Variants in FAM186A observed in about 807,000 individuals in gnomAD.
FAM186A encodes protein FAM186A.
In FAM186A, 163 loss-of-function variants were observed where a neutral mutation model predicts 216.8. The observed-to-expected ratio is 0.75, with a 90% CI of 0.66 to 0.86. The LOEUF is 0.86. Ranked by LOEUF, FAM186A falls within the 40% of genes least tolerant of loss-of-function variation. The probability of loss-of-function intolerance (pLI) is 0.00; values close to 1 mark genes in which losing one functional copy is unlikely to be tolerated. For missense variants in FAM186A, 2,184 were observed against 2,746.2 expected (o/e 0.80, Z 4.58); for synonymous variants, 805 against 1,025.3 (o/e 0.79, Z 4.10).
At chr12:50,332,424 G>A (rs143319025) in intron 5 of FAM186A, among the ~76,000 whole-genome samples, 175 of 152,314 alleles carry the variant, frequency 1.1e-3, no homozygotes, top group African/African-American at 3.3e-3. Context: ...ATCTGGTAGC[G>A]GAGCTAGCCA....
intron 4 of FAM186A, among the ~76,000 whole-genome samples, chr12:50,346,463 G>A (rs1485760874): frequency 6.6e-6 from 1 of 152,108 alleles, no homozygotes; most frequent in East Asian, 1.9e-4. Flanking sequence ...GACCTTGGGT[G>A]ATCTGCCCAC....
At chr12:50,386,318 A>G (rs1216689252) in intron 1 of FAM186A, among the ~76,000 whole-genome samples, 1 of 151,976 alleles carries the variant, frequency 6.6e-6, no homozygotes, top group Admixed American at 6.6e-5. Context: ...AATCCCAGCT[A>G]TAGGGAGGCA....
chr12:50,361,055 C>T, intron 2 of FAM186A, 129 bp from the exon 3 acceptor site: 1 of 590,288 alleles, frequency 1.7e-6, no homozygotes, highest in Non-Finnish European at 2.7e-6. Context: ...ACACTTACTG[C>T]CATTCTGAGG....
chr12:50,360,728 C>T (rs1234795317), intron 3 of FAM186A, 28 bp downstream of exon 3: 1 of 1,486,754 alleles, frequency 6.7e-7, no homozygotes, highest in African/African-American at 1.4e-5. Flanking sequence ...CCATCTACTC[C>T]AACTCCAAAA....
At chr12:50,346,201 A>AGAGAG (rs1942810621) in intron 4 of FAM186A, among the ~76,000 whole-genome samples, 2 of 76,686 alleles carry the variant, frequency 2.6e-5, no homozygotes, top group African/African-American at 4.3e-5. Context: ...GAAAGAAAGA[A>AGAGAG]AGAGAGAGAG....
In FAM186A at chr12:50,353,433, G is replaced by A. The variant is rs1170717631; in HGVS notation, c.3399C>T (p.Ile1133=). Reference sequence around the variant, plus strand: ...CCTGGGTCTGCTGAGGGGTGAGAGGGATCCCCAGGGCCTGCGCCTGCTGAG... The same window carrying A: ...CCTGGGTCTGCTGAGGGGTGAGAGGAATCCCCAGGGCCTGCGCCTGCTGAG... ...FTPQQAQALG[I]PLTPQQTQVQ... Residue 1133 remains isoleucine, a synonymous_variant, in exon 4 of 8, where the codon ATC becomes ATT. Coordinates refer to ENST00000327337, the MANE Select transcript of FAM186A (RefSeq NM_001145475.3). 6.5e-7 allele frequency: 1 copy of A among 1,529,112 alleles called. No individual in the cohort carries two copies. Among genetic ancestry groups the A allele is most frequent in the African/African-American group, 1.4e-5 (1 of 71,404 alleles). The allele number at this position is 1,529,112 out of a possible 1,614,324, so 94.7% of individuals were successfully genotyped here.
chr12:50,379,057 CA>C (rs1943228399), intron 1 of FAM186A, among the ~76,000 whole-genome samples: 1 of 152,166 alleles, frequency 6.6e-6, no homozygotes, highest in Non-Finnish European at 1.5e-5. Context: ...GTAATCCCAG[CA>C]CTTTGAGAGG....
intron 1 of FAM186A, among the ~76,000 whole-genome samples, chr12:50,376,239 G>A (rs1592628314): frequency 6.6e-6 from 1 of 152,324 alleles, no homozygotes; most frequent in East Asian, 1.9e-4. Flanking sequence ...AGCTGGGGAT[G>A]TGTTACAGCT....
intron 4 of FAM186A, among the ~76,000 whole-genome samples, chr12:50,344,216 G>A (rs749891527): frequency 1.7e-4 from 26 of 152,086 alleles, no homozygotes; most frequent in South Asian, 4.1e-4. Flanking sequence ...ATCCCATCAC[G>A]CAGGTTATGA....
At chr12:50,338,890 A>G (rs1565879931) in intron 4 of FAM186A, among the ~76,000 whole-genome samples, 2 of 152,354 alleles carry the variant, frequency 1.3e-5, no homozygotes, top group African/African-American at 4.8e-5. Flanking sequence ...CTAAATTTAC[A>G]TAATTTATTT....
At chr12:50,381,352 G>A (rs1943252348) in intron 1 of FAM186A, among the ~76,000 whole-genome samples, 1 of 152,144 alleles carries the variant, frequency 6.6e-6, no homozygotes, top group Non-Finnish European at 1.5e-5. Context: ...TGGAGGGTGA[G>A]CAAGGTGAAG....
rs1383898895 is a variant in FAM186A at position 50,346,237 on chromosome 12, A to AAAGAAAGAAAGAG, written c.6503+4091_6503+4092insCTCTTTCTTTCTT. Among the ~76,000 whole-genome samples the AAAGAAAGAAAGAG allele has an allele frequency of 4.9e-5, 5 of 102,258 alleles. 1 individual carries two copies. Among genetic ancestry groups the AAAGAAAGAAAGAG allele is most frequent in the African/African-American group, 1.7e-4 (5 of 29,692 alleles). 67.1% of individuals were successfully genotyped at this position (102,258 alleles called of 152,430 possible). On this transcript the variant is annotated intron_variant, in intron 4 of 7. Coordinates refer to ENST00000327337, the MANE Select transcript of FAM186A (RefSeq NM_001145475.3). ...AGAGAGAAGGAAAGAAAGAAAGAAA[A>AAAGAAAGAAAGAG]AAAGAAAGAAAGAAAGAAAGAAAGA...
chr12:50,395,934 T>G (rs912758385), intron 1 of FAM186A, among the ~76,000 whole-genome samples: 8 of 152,134 alleles, frequency 5.3e-5, no homozygotes, highest in Admixed American at 1.3e-4. Context: ...GCTAACTTTT[T>G]GTATTTTTAG....
intron 1 of FAM186A, among the ~76,000 whole-genome samples, chr12:50,384,847 C>T (rs980723790): frequency 3.9e-5 from 6 of 151,974 alleles, no homozygotes; most frequent in African/African-American, 1.4e-4. Context: ...GCTCTATTGC[C>T]CAGGCTGGAG....
chr12:50,389,681 C>T (rs185837026), intron 1 of FAM186A, among the ~76,000 whole-genome samples: 51 of 152,212 alleles, frequency 3.4e-4, no homozygotes, highest in African/African-American at 1.2e-3. Flanking sequence ...CAGATCATAG[C>T]GGCATACCAG....
chr12:50,387,098 T>G (rs1943311668), intron 1 of FAM186A, among the ~76,000 whole-genome samples: 1 of 152,138 alleles, frequency 6.6e-6, no homozygotes, highest in South Asian at 2.1e-4. Context: ...GGTGGGTGTC[T>G]TTTATTTCAA....
At chr12:50,332,192 A>G (rs1018726042) in intron 5 of FAM186A, among the ~76,000 whole-genome samples, 4 of 152,268 alleles carry the variant, frequency 2.6e-5, no homozygotes, top group Admixed American at 6.5e-5. Context: ...TGCAGTATGC[A>G]ACTGTAATGA....
At position 50,327,317 on chromosome 12, in the gene FAM186A, C is replaced by A; in HGVS notation, c.*66G>T. 1 of 1,336,068 alleles carries A rather than the reference C, an allele frequency of 7.5e-7. No homozygotes were observed. The highest frequency in any genetic ancestry group is 1.0e-6 in the Non-Finnish European group (1 of 952,806). 82.8% of individuals were successfully genotyped at this position (1,336,068 alleles called of 1,614,324 possible). A position where few individuals can be genotyped will look rare whatever the true frequency, so the allele number is the denominator to read the frequency against. ...AGCAATATATACGCATGAAAGAGAACAAAATAGGCATTTTACTGAAAGATA... is the reference window on the plus strand; with the variant it reads ...AGCAATATATACGCATGAAAGAGAAAAAAATAGGCATTTTACTGAAAGATA... On this transcript the variant is annotated 3_prime_UTR_variant, in exon 8 of 8. Coordinates refer to ENST00000327337, the MANE Select transcript of FAM186A (RefSeq NM_001145475.3).
chr12:50,387,819 C>T (rs575423556), intron 1 of FAM186A, among the ~76,000 whole-genome samples: 1 of 152,308 alleles, frequency 6.6e-6, no homozygotes, highest in Admixed American at 6.5e-5. Flanking sequence ...CAGCTTGCTG[C>T]TCTGTGTCTG....
Sources: gnomAD v4.1 joint callset for allele counts (sites outside exome capture counted in the v4.1 genomes callset) on GRCh38, gnomAD v4.1.1 for gene constraint, MANE v1.5 for transcripts, NCBI Gene and HGNC (gene_info 2026-07-23, HGNC 2026-07-21) for gene names.